Variants in FRAS1 observed in about 807,000 individuals in gnomAD.
FRAS1 encodes the protein Fraser extracellular matrix complex subunit 1.
A neutral mutation model predicts 435.2 loss-of-function variants in FRAS1; 290 were observed. The observed-to-expected ratio is 0.67, with a 90% confidence interval of 0.61 to 0.73. FRAS1 has a LOEUF of 0.73. Ranked by LOEUF, FRAS1 falls within the 30% of genes least tolerant of loss-of-function variation. FRAS1 has a pLI of 0.00. For synonymous variants in FRAS1, 1,800 were observed against 1,851.0 expected (o/e 0.97, Z 0.71); for missense variants, 4,860 against 5,001.5 (o/e 0.97, Z 0.85).
intron 38 of FRAS1, among the ~76,000 whole-genome samples, chr4:78,438,158 A>C (rs1027796444): frequency 6.6e-6 from 1 of 152,206 alleles, no homozygotes; most frequent in Non-Finnish European, 1.5e-5. Flanking sequence ...CTTAAAAGCA[A>C]AACATTCTTA....
chr4:78,236,624 C>T (rs547700365), intron 2 of FRAS1, among the ~76,000 whole-genome samples: 3 of 152,128 alleles, frequency 2.0e-5, no homozygotes, highest in Non-Finnish European at 4.4e-5. Flanking sequence ...TGAGAGCAGC[C>T]TTTCAATGGA....
Position 78,450,979 on chromosome 4 carries a change from G to A in FRAS1, c.6463+640G>A, listed in dbSNP as rs976359252. On this transcript the variant is annotated intron_variant, in intron 45 of 73. Coordinates refer to ENST00000512123, the MANE Select transcript of FRAS1 (RefSeq NM_025074.7). ...TTTAGAAGTGGAAATATACCCCTGC[G>A]GATAAAAAACAAGTGTCCCGCCCAC... Among the ~76,000 whole-genome samples the A allele has an allele frequency of 4.1e-5, 6 of 145,568 alleles. 1 individual carries two copies. The highest frequency in any genetic ancestry group is 4.1e-4 in the South Asian group (2 of 4,822).
intron 30 of FRAS1, among the ~76,000 whole-genome samples, chr4:78,402,259 A>G (rs1320990940): frequency 1.3e-5 from 2 of 152,190 alleles, no homozygotes; most frequent in Admixed American, 6.5e-5. Flanking sequence ...TAGCAGAGGA[A>G]GAATAATCTG....
chr4:78,475,301 G>A, intron 53 of FRAS1, 137 bp from the exon 54 acceptor site: 1 of 807,678 alleles, frequency 1.2e-6, no homozygotes, highest in East Asian at 2.7e-5. Context: ...TTACAGCCTG[G>A]ATTCTTAGAG....
intron 2 of FRAS1, among the ~76,000 whole-genome samples, chr4:78,178,190 C>A (rs1174731712): frequency 6.6e-6 from 1 of 152,056 alleles, no homozygotes; most frequent in Non-Finnish European, 1.5e-5. Flanking sequence ...TGTGTTCTCT[C>A]CTTTTTTTAA....
At chr4:78,310,612 GT>G (rs1265439120) in intron 15 of FRAS1, among the ~76,000 whole-genome samples, 1 of 152,226 alleles carries the variant, frequency 6.6e-6, no homozygotes, top group African/African-American at 2.4e-5. Flanking sequence ...TGCCACTGGT[GT>G]TGACCAACAG....
rs533358520 is a variant in FRAS1, at chr4:78,115,258, C to A, written c.108+49242C>A. 3.3e-4 allele frequency among the ~76,000 whole-genome samples: 50 copies of A among 152,184 alleles called. No individual in the cohort carries two copies. The East Asian group carries it at 8.9e-3, about 27-fold the overall frequency. ...GTATTTTATTGAGGATTTTTGCATC[C>A]ATGTTCATCACGGATATTGGTCTGA... On this transcript the variant is annotated intron_variant, in intron 2 of 73. Transcript: ENST00000512123.
At chr4:78,181,641 G>C in intron 2 of FRAS1, 5 of 1,609,636 alleles carry the variant, frequency 3.1e-6, no homozygotes, top group Non-Finnish European at 8.5e-7. Context: ...TCGAATCTTC[G>C]TTCACAAGGT....
intron 2 of FRAS1, among the ~76,000 whole-genome samples, chr4:78,141,079 G>T (rs1406073898): frequency 1.3e-5 from 2 of 151,962 alleles, no homozygotes; most frequent in Admixed American, 6.6e-5. Flanking sequence ...AAATTCTGGG[G>T]TACATGTGCA....
chr4:78,141,665 A>G lies in FRAS1; in HGVS notation c.108+75649A>G, dbSNP rs375582861. 5.9e-5 allele frequency among the ~76,000 whole-genome samples: 9 copies of G among 152,294 alleles called. 1 individual carries two copies. The South Asian group carries it at 6.2e-4, about 11-fold the overall frequency. On this transcript the variant is annotated intron_variant, in intron 2 of 73. Transcript: ENST00000512123. ...TCATAATGGGGCTAGGTATTATTCA[A>G]AAAAGATACTTGCACACTCATGTTT...
intron 70 of FRAS1, among the ~76,000 whole-genome samples, chr4:78,529,450 G>A (rs9999496): frequency 0.37 from 56,688 of 151,784 alleles, 10,828 homozygotes; most frequent in South Asian, 0.54. Context: ...AATACCCTCA[G>A]TGCCCCTCTC....
Position 78,508,876 on chromosome 4 carries a change from G to C in FRAS1, c.9650G>C (p.Ser3217Thr), listed in dbSNP as rs778990040. 1 of 1,613,922 alleles carries C rather than the reference G, an allele frequency of 6.2e-7. No individual in the cohort carries two copies. The highest frequency in any genetic ancestry group is 1.1e-5 in the South Asian group (1 of 91,080). Residue 3217 changes from serine to threonine, a missense_variant, in exon 63 of 74, where the codon AGT becomes ACT. Ser to Thr is a moderately conservative substitution (Grantham distance 58). Coordinates refer to ENST00000512123, the MANE Select transcript of FRAS1 (RefSeq NM_025074.7). ...PRYAVMKERC[S>T]EAGINQTSVQ... Reference sequence around the variant, plus strand: ...TACGCTGTCATGAAGGAGCGCTGCAGTGAGGCCGGCATCAACCAGACATCT... The same window carrying C: ...TACGCTGTCATGAAGGAGCGCTGCACTGAGGCCGGCATCAACCAGACATCT...
At chr4:78,441,379 G>C in intron 41 of FRAS1, 82 bp downstream of exon 41, 9 of 1,318,498 alleles carry the variant, frequency 6.8e-6, no homozygotes, top group Non-Finnish European at 9.6e-6. Context: ...GCTAAAGATG[G>C]AGATGGAGAA....
intron 3 of FRAS1, among the ~76,000 whole-genome samples, chr4:78,242,875 A>G (rs1402100702): frequency 6.6e-6 from 1 of 152,214 alleles, no homozygotes; most frequent in Non-Finnish European, 1.5e-5. Flanking sequence ...TCATTTATCC[A>G]TTCTATAATC....
chr4:78,370,082 A>C, intron 23 of FRAS1, 98 bp downstream of exon 23: 1 of 1,181,682 alleles, frequency 8.5e-7, no homozygotes, highest in Non-Finnish European at 1.2e-6. Context: ...ACCAGTCATC[A>C]TATATTTTGA....
chr4:78,131,996 G>T (rs1719704270), intron 2 of FRAS1, among the ~76,000 whole-genome samples: 1 of 152,216 alleles, frequency 6.6e-6, no homozygotes, highest in African/African-American at 2.4e-5. Context: ...CACTAAACAA[G>T]CTGTTAAAAC....
At chr4:78,394,054 A>G (rs909000117) in intron 29 of FRAS1, among the ~76,000 whole-genome samples, 12 of 151,754 alleles carry the variant, frequency 7.9e-5, no homozygotes, top group African/African-American at 2.7e-4. Flanking sequence ...CCATTTTTAA[A>G]TTATTTGAAT....
chr4:78,094,412 T>A (rs1741690917), intron 2 of FRAS1, among the ~76,000 whole-genome samples: 1 of 152,052 alleles, frequency 6.6e-6, no homozygotes, highest in Admixed American at 6.6e-5. Context: ...TAAATGTATT[T>A]TGGATTTTGG....
rs528560187 is a variant in FRAS1, at chr4:78,542,178, C to T, written c.*1054C>T. The stretch of plus-strand genomic sequence containing the variant: ...ACTTAACAGATACATGCTGGTTCTC[C>T]TTGCTGTGTGTGACACAGCAGACAG... On this transcript the variant is annotated 3_prime_UTR_variant, in exon 74 of 74. Transcript: ENST00000512123. 1 of 152,316 alleles carries T rather than the reference C, an allele frequency of 6.6e-6. No homozygotes were observed. The highest frequency in any genetic ancestry group is 1.9e-4 in the East Asian group (1 of 5,182). 9.4% of individuals were successfully genotyped at this position (152,316 alleles called of 1,614,324 possible). A position where few individuals can be genotyped will look rare whatever the true frequency, so the allele number is the denominator to read the frequency against.
Sources: allele counts gnomAD v4.1 joint callset (sites outside exome capture counted in the v4.1 genomes callset), GRCh38; gene constraint gnomAD v4.1.1; transcripts MANE v1.5; gene names NCBI Gene and HGNC (gene_info 2026-07-23, HGNC 2026-07-21).